The following TSPOAP1 variants were observed in gnomAD, a reference collection of about 807,000 sequenced individuals.
TSPOAP1 encodes peripheral-type benzodiazepine receptor-associated protein 1.
In TSPOAP1, 87 loss-of-function variants were observed where a neutral mutation model predicts 197.0. The observed-to-expected ratio is 0.44, with a 90% CI of 0.37 to 0.53. The LOEUF (loss-of-function observed/expected upper bound fraction) is 0.53, where lower values mean the gene tolerates loss of function less well. Ranked by LOEUF, TSPOAP1 falls within the 20% of genes least tolerant of loss-of-function variation. The probability of loss-of-function intolerance (pLI) is 0.00; values close to 1 mark genes in which losing one functional copy is unlikely to be tolerated. For missense variants in TSPOAP1, 2,174 were observed against 2,411.3 expected (o/e 0.90, Z 2.06); for synonymous variants, 913 against 998.9 (o/e 0.91, Z 1.62).
chr17:58,315,943 G>A, intron 16 of TSPOAP1, 80 bp downstream of exon 16: 3 of 1,050,616 alleles, frequency 2.9e-6, no homozygotes, highest in East Asian at 2.4e-5. Flanking sequence ...ATGGATGGAT[G>A]GATGGATGGA....
intron 4 of TSPOAP1, 107 bp from the exon 5 acceptor site, chr17:58,325,109 G>A: frequency 9.9e-7 from 1 of 1,006,334 alleles, no homozygotes; most frequent in Non-Finnish European, 1.4e-6. Context: ...TCCGATGCGC[G>A]AGACTGTGCA....
Position 58,306,922 on chromosome 17 carries a change from C to T in TSPOAP1, c.5030G>A (p.Gly1677Glu), listed in dbSNP as rs1275313454. 53 of 1,613,228 alleles carry T rather than the reference C, an allele frequency of 3.3e-5. No individual in the cohort carries two copies. The highest frequency in any genetic ancestry group is 4.3e-5 in the Non-Finnish European group (51 of 1,180,006). Residue 1677 changes from glycine (G) to glutamate (E), a missense_variant, in exon 25 of 32, where the codon GGG becomes GAG. Around this residue, in one of 5 missense-constraint regions of TSPOAP1, gnomAD observed 161 missense variants for 159.1 expected, o/e 1.01. Coordinates refer to ENST00000343736, the MANE Select transcript of TSPOAP1 (RefSeq NM_004758.4). ...DADGFYQGEG[G>E]GRTGYIPCNM... is the part of the protein sequence containing the mutation. ...GCAGGGAATGTAGCCTGTCCGGCCC[C>T]CACCTTCGCCCTGGTAGAAGCCATC...
Position 58,304,405 on chromosome 17 carries a change from G to A in TSPOAP1, c.5545-6C>T, listed in dbSNP as rs200071774. 1.2e-6 allele frequency: 2 copies of A among 1,613,192 alleles called. No homozygotes were observed. The highest frequency in any genetic ancestry group is 1.7e-6 in the Non-Finnish European group (2 of 1,179,150). ...ACTCTTCTCCTCCTCGTTCTCTGAG[G>A]ACAGGGAACAAAGAGAGGAGATGGG... On this transcript the variant is annotated splice_polypyrimidine_tract_variant and splice_region_variant and intron_variant, in intron 30 of 31. Coordinates refer to ENST00000343736, the MANE Select transcript of TSPOAP1 (RefSeq NM_004758.4). The surrounding 1 kb of genome is among the most constrained non-coding windows in gnomAD (Gnocchi z 4.2).
chr17:58,326,496 G>A lies in TSPOAP1; in HGVS notation c.442-75C>T, dbSNP rs985721488. ...CCCAGTCCTAACAGCCCAAGTCTTGGGCTAGAGCCCTAGGCTCACAGTGGG... is the reference window on the plus strand; with the variant it reads ...CCCAGTCCTAACAGCCCAAGTCTTGAGCTAGAGCCCTAGGCTCACAGTGGG... On this transcript the variant is annotated intron_variant, in intron 2 of 31. Transcript: ENST00000343736. This position sits in a 1 kb window ranked among gnomAD's most constrained non-coding sequence, Gnocchi z 4.7. 7 of 1,586,496 alleles carry A rather than the reference G, an allele frequency of 4.4e-6. No homozygotes were observed. The African/African-American group carries it at 8.1e-5, about 18-fold the overall frequency.
intron 14 of TSPOAP1, among the ~76,000 whole-genome samples, chr17:58,317,689 G>T (rs77171735): frequency 0.086 from 13,115 of 152,214 alleles, 580 homozygotes; most frequent in Middle Eastern, 0.11. Context: ...ATGAGTTGAC[G>T]ACCAGAGCTA....
Position 58,327,907 on chromosome 17 carries a change from G to A in TSPOAP1, c.14C>T (p.Thr5Ile), listed in dbSNP as rs770050594. The change falls in exon 1 of 32, where the codon ACA (threonine) becomes ATA (isoleucine). Residue 5 changes from threonine to isoleucine, a missense_variant. Coordinates refer to ENST00000343736, the MANE Select transcript of TSPOAP1 (RefSeq NM_004758.4). The stretch of plus-strand genomic sequence containing the variant: ...AGGGTCCCCAGGCCGTGGGAGGGTT[G>A]TCAGTTGCTCCATGGTACTGCCAAG... MEQL[T>I]TLPRPGDPGA... 6.2e-7 allele frequency: 1 copy of A among 1,600,400 alleles called. No homozygotes were observed. The highest frequency in any genetic ancestry group is 8.5e-7 in the Non-Finnish European group (1 of 1,170,424).
At chr17:58,318,476 C>T in intron 13 of TSPOAP1, 24 bp from the exon 14 acceptor site, 1 of 1,600,484 alleles carries the variant, frequency 6.2e-7, no homozygotes, top group South Asian at 1.1e-5. Context: ...GGCACGTGGG[C>T]TTGGGGTCTG....
Position 58,309,150 on chromosome 17 carries a change from G to A in TSPOAP1, c.4122C>T (p.Pro1374=). The change falls in exon 22 of 32, where the codon CCC becomes CCT. Residue 1374 remains proline (P), a synonymous_variant. Coordinates refer to ENST00000343736, the MANE Select transcript of TSPOAP1 (RefSeq NM_004758.4). This position sits in a 1 kb window ranked among gnomAD's most constrained non-coding sequence, Gnocchi z 5.0. ...ACAAGGGACACTGGCCAGGTCTTCGGGGCTGACCACTGTCACAGCCCAGCC... is the reference window on the plus strand; with the variant it reads ...ACAAGGGACACTGGCCAGGTCTTCGAGGCTGACCACTGTCACAGCCCAGCC... ...LLGLGCDSGQ[P]RRPGQCPLSP... 6.2e-7 allele frequency: 1 copy of A among 1,613,962 alleles called. No homozygotes were observed. Among genetic ancestry groups the A allele is most frequent in the Non-Finnish European group, 8.5e-7 (1 of 1,180,040 alleles).
Position 58,307,898 on chromosome 17 carries a change from C to T in TSPOAP1, c.4775G>A (p.Arg1592Gln), listed in dbSNP as rs141194598. The T allele has an allele frequency of 5.0e-6, 8 of 1,613,320 alleles. No individual in the cohort carries two copies. The highest frequency in any genetic ancestry group is 2.7e-5 in the African/African-American group (2 of 74,942). The change falls in exon 23 of 32, where the codon CGG (arginine) becomes CAG (glutamine). Residue 1592 changes from arginine (R) to glutamine (Q), a missense_variant. Physicochemically the swap from Arg to Gln is conservative, Grantham distance 43. Transcript: ENST00000343736. ...GACACCTCTCTTCTGGGGGCCCCTC[C>T]GCCCAGAGCCGTCCTGCCCTCTGGC... ...GEARGQDGSGRRGPQKRGVRV... is the reference protein window; with the variant it reads ...GEARGQDGSGQRGPQKRGVRV...
In TSPOAP1 at chr17:58,323,043, A is replaced by C. The variant is rs752080485; in HGVS notation, c.1105-4T>G. On this transcript the variant is annotated splice_region_variant and splice_polypyrimidine_tract_variant and intron_variant, in intron 7 of 31. Transcript: ENST00000343736. The stretch of plus-strand genomic sequence containing the variant: ...GCGCTTGTCTCAGCTGCAGTTCCTG[A>C]GCGGGCAGAGGAGCTCTCAGGAGGG... The C allele has an allele frequency of 6.2e-7, 1 of 1,604,248 alleles. No homozygotes were observed. The highest frequency in any genetic ancestry group is 1.1e-5 in the South Asian group (1 of 89,648).
At chr17:58,319,837 C>T (rs562719618) in intron 12 of TSPOAP1, among the ~76,000 whole-genome samples, 6 of 152,326 alleles carry the variant, frequency 3.9e-5, no homozygotes, top group South Asian at 2.1e-4. Flanking sequence ...GCCACTATGG[C>T]GAGGCTCCTA....
At chr17:58,312,779 A>G in intron 16 of TSPOAP1, 57 bp from the exon 17 acceptor site, 2 of 1,423,760 alleles carry the variant, frequency 1.4e-6, no homozygotes, top group Non-Finnish European at 9.5e-7. Context: ...GGAGATAAAG[A>G]AAAAACGGTA....
At chr17:58,307,551 GGGA>G in intron 24 of TSPOAP1, 57 bp downstream of exon 24, 1 of 1,574,438 alleles carries the variant, frequency 6.4e-7, no homozygotes, top group South Asian at 1.2e-5. Flanking sequence ...GAGGAAAGGA[GGGA>G]GGAGGGAAGA....
intron 10 of TSPOAP1, among the ~76,000 whole-genome samples, chr17:58,321,329 G>A (rs1017928751): frequency 5.4e-5 from 8 of 148,882 alleles, no homozygotes; most frequent in Non-Finnish European, 7.4e-5. Flanking sequence ...ATGGAGTCTC[G>A]CTCTGTCGCC....
rs752966402 is a variant in TSPOAP1, at chr17:58,310,901, G to C, written c.3394C>G (p.Pro1132Ala). Residue 1132 changes from proline (P) to alanine (A), a missense_variant, in exon 19 of 32, where the codon CCT becomes GCT. By Grantham distance (27) the Pro-to-Ala change is conservative. This residue lies in a region of TSPOAP1 where 1,933 missense variants were observed against 2,139.0 expected (regional missense o/e 0.90). Coordinates refer to ENST00000343736, the MANE Select transcript of TSPOAP1 (RefSeq NM_004758.4). ...GCCATCTCTCTGGAAGGGCTTGCAG[G>C]GGGTGCTCCTGGAGGCTCTTGAGTT... The part of the protein sequence containing the change: ...LGTQEPPGAP[P>A]ASPSREMAKG... The C allele has an allele frequency of 3.9e-6, 6 of 1,545,822 alleles. No individual in the cohort carries two copies. In the East Asian group the frequency reaches 1.4e-4, roughly 35 times the overall value.
chr17:58,312,292 G>A lies in TSPOAP1; in HGVS notation c.2529C>T (p.Ala843=), dbSNP rs754365405. The change falls in exon 17 of 32, where the codon GCC becomes GCT. Residue 843 remains alanine (A), a synonymous_variant. Coordinates refer to ENST00000343736, the MANE Select transcript of TSPOAP1 (RefSeq NM_004758.4). Reference sequence around the variant, plus strand: ...CCCACAGGTCCAGGTTCTCCAGCACGGCCTTGGGTGGCGCCCCAGGCCCCA... The same window carrying A: ...CCCACAGGTCCAGGTTCTCCAGCACAGCCTTGGGTGGCGCCCCAGGCCCCA... ...QALGPGAPPK[A]VLENLDLWAG... 3.5e-5 allele frequency: 57 copies of A among 1,612,638 alleles called. No individual in the cohort carries two copies. Among genetic ancestry groups the A allele is most frequent in the Non-Finnish European group, 4.3e-5 (51 of 1,179,804 alleles).
chr17:58,320,686 A>G (rs1598075594), intron 10 of TSPOAP1, 105 bp from the exon 11 acceptor site: 1 of 892,026 alleles, frequency 1.1e-6, no homozygotes, highest in Non-Finnish European at 1.6e-6. Flanking sequence ...GCAGGGGAGG[A>G]AGAAGCCGGG....
At chr17:58,323,438 G>T in intron 6 of TSPOAP1, 30 bp downstream of exon 6, 1 of 1,614,206 alleles carries the variant, frequency 6.2e-7, no homozygotes, top group Non-Finnish European at 8.5e-7. Flanking sequence ...CCCACAGCAG[G>T]CTGCCTCCAG....
At chr17:58,318,709 G>T (rs927747314) in intron 13 of TSPOAP1, among the ~76,000 whole-genome samples, 3 of 152,154 alleles carry the variant, frequency 2.0e-5, no homozygotes, top group Non-Finnish European at 2.9e-5. Flanking sequence ...GGCCCAGAGA[G>T]GTTAAGCAGC....
Sources: allele counts gnomAD v4.1 joint callset (sites outside exome capture counted in the v4.1 genomes callset), GRCh38; gene constraint gnomAD v4.1.1; regional missense constraint gnomAD v4.1.1; non-coding constraint Gnocchi (gnomAD v3.1); transcripts MANE v1.5; gene names NCBI Gene and HGNC (gene_info 2026-07-23, HGNC 2026-07-21).